GPHN: variants seen among roughly 807,000 people sequenced by gnomAD.
GPHN encodes the protein gephyrin.
A neutral mutation model predicts 95.5 loss-of-function variants in GPHN; 17 were observed. The ratio of observed to expected loss-of-function variants is 0.18; its 90% CI spans 0.12 to 0.27. The LOEUF (loss-of-function observed/expected upper bound fraction) is 0.27. Ranked by LOEUF, GPHN falls within the 10% of genes least tolerant of loss-of-function variation. GPHN has a pLI of 1.00. For synonymous variants in GPHN, 320 were observed against 322.5 expected (o/e 0.99, Z 0.08); for missense variants, 660 against 978.1 (o/e 0.67, Z 4.34).
chr14:66,881,288 T>G (rs370683603), intron 5 of GPHN, among the ~76,000 whole-genome samples: 367 of 152,042 alleles, frequency 2.4e-3, no homozygotes, highest in Non-Finnish European at 3.0e-3. Flanking sequence ...TTTAAGGAAC[T>G]CCAGTTGATT....
chr14:67,370,892 T>C, the GPHN span, among the ~76,000 whole-genome samples: 1 of 151,834 alleles, frequency 6.6e-6, no homozygotes, highest in African/African-American at 2.4e-5. Context: ...AGGCATGGTG[T>C]TGTGCACCTC....
intron 11 of GPHN, among the ~76,000 whole-genome samples, chr14:67,068,033 C>T (rs543367892): frequency 1.3e-5 from 2 of 152,300 alleles, no homozygotes; most frequent in Non-Finnish European, 2.9e-5. Context: ...CTGTCTTCTG[C>T]GTCGGTCATG....
chr14:67,512,927 T>C, the GPHN span, among the ~76,000 whole-genome samples: 3 of 152,214 alleles, frequency 2.0e-5, no homozygotes, highest in Admixed American at 1.3e-4. Context: ...TCACAAAAGC[T>C]GTAATTTGGT....
At chr14:67,572,292 G>A in the GPHN span, 76 of 1,578,552 alleles carry the variant, frequency 4.8e-5, no homozygotes, top group Middle Eastern at 1.7e-4. Context: ...GCCGGGAAAC[G>A]GGCGGGGGCA....
the GPHN span, among the ~76,000 whole-genome samples, chr14:67,655,967 C>T: frequency 1.3e-5 from 2 of 152,120 alleles, no homozygotes; most frequent in African/African-American, 2.4e-5. Flanking sequence ...GCAAAGCGGC[C>T]GGGCACAGTG....
chr14:66,704,365 C>T (rs970312641), intron 2 of GPHN, among the ~76,000 whole-genome samples: 27 of 152,078 alleles, frequency 1.8e-4, no homozygotes, highest in African/African-American at 6.5e-4. Flanking sequence ...AATATACGTT[C>T]ATCTCGGTGC....
At chr14:67,536,425 A>G in the GPHN span, among the ~76,000 whole-genome samples, 1 of 151,820 alleles carries the variant, frequency 6.6e-6, no homozygotes. Context: ...TAGCAAGTGG[A>G]AGTCATACAG....
At chr14:67,586,996 A>G in the GPHN span, 3 of 1,522,650 alleles carry the variant, frequency 2.0e-6, no homozygotes, top group East Asian at 2.5e-5. Context: ...GGAACTCAGC[A>G]TAAGAGCTAA....
At chr14:67,048,795 G>A (rs948930188) in intron 10 of GPHN, among the ~76,000 whole-genome samples, 1 of 152,182 alleles carries the variant, frequency 6.6e-6, no homozygotes, top group African/African-American at 2.4e-5. Context: ...GATCTTCTCA[G>A]TGGGACATGT....
At chr14:66,866,920 T>C (rs1288408980) in intron 4 of GPHN, among the ~76,000 whole-genome samples, 4 of 152,172 alleles carry the variant, frequency 2.6e-5, no homozygotes, top group African/African-American at 7.2e-5. Flanking sequence ...CTGCAAAGTA[T>C]ATGTTCATTG....
At chr14:66,508,766 C>T (rs2057898540) in intron 1 of GPHN, among the ~76,000 whole-genome samples, 175 bp downstream of exon 1, 2 of 152,152 alleles carry the variant, frequency 1.3e-5, no homozygotes, top group African/African-American at 2.4e-5. Context: ...GGTGTTCCCG[C>T]GGGTCCCCTC....
chr14:66,573,445 A>G (rs1947925797), intron 1 of GPHN, among the ~76,000 whole-genome samples: 1 of 150,200 alleles, frequency 6.7e-6, no homozygotes, highest in Non-Finnish European at 1.5e-5. Flanking sequence ...TAATTATATA[A>G]TAACCTTTTT....
At chr14:67,172,679 G>A (rs977450933) in intron 21 of GPHN, among the ~76,000 whole-genome samples, 2 of 152,076 alleles carry the variant, frequency 1.3e-5, no homozygotes, top group African/African-American at 4.8e-5. Flanking sequence ...CCTGAAGCTA[G>A]ACTACCCCCC....
chr14:67,711,932 T>A, the GPHN span, among the ~76,000 whole-genome samples: 1 of 152,178 alleles, frequency 6.6e-6, no homozygotes, highest in Non-Finnish European at 1.5e-5. Context: ...CCTATCTTTT[T>A]TTTTGAGACG....
Position 66,557,282 on chromosome 14 carries a change from T to TAGATAGATAGAA in GPHN, c.64+48694_64+48695insTAGATAGAAAGA, listed in dbSNP as rs1555342980. Among the ~76,000 whole-genome samples the TAGATAGATAGAA allele has an allele frequency of 7.8e-3, 1,151 of 147,140 alleles. 14 individuals are homozygous for TAGATAGATAGAA. The highest frequency in any genetic ancestry group is 0.023 in the African/African-American group (918 of 39,708). ...ATAGATAGATAGATAGATAGATAGA[T>TAGATAGATAGAA]AGAATGAATTTAATGAGCGCTAAGA... On this transcript the variant is annotated intron_variant, in intron 1 of 22. Coordinates refer to ENST00000478722, the MANE Select transcript of GPHN (RefSeq NM_020806.5).
intron 4 of GPHN, among the ~76,000 whole-genome samples, chr14:66,843,059 A>C (rs1229318825): frequency 6.6e-6 from 1 of 151,382 alleles, no homozygotes; most frequent in East Asian, 1.9e-4. Context: ...AGAGCTTGCT[A>C]TTACACTACC....
At chr14:67,396,301 C>T in the GPHN span, among the ~76,000 whole-genome samples, 5 of 151,764 alleles carry the variant, frequency 3.3e-5, no homozygotes, top group South Asian at 2.1e-4. Flanking sequence ...ACGCCCACCA[C>T]CCCGCCTGGC....
the GPHN span, chr14:67,576,299 C>T: frequency 1.5e-6 from 1 of 683,140 alleles, no homozygotes; most frequent in Non-Finnish European, 2.5e-6. The surrounding 1 kb of genome is among the most constrained non-coding windows in gnomAD (Gnocchi z 4.0). Flanking sequence ...AGCTGAACCC[C>T]ACATGGGCTT....
intron 5 of GPHN, among the ~76,000 whole-genome samples, chr14:66,892,243 A>T (rs868143652): frequency 2.6e-5 from 4 of 151,984 alleles, no homozygotes; most frequent in African/African-American, 9.7e-5. Context: ...AGCAAAATAG[A>T]CCCTGTCTCT....
Sources: gnomAD v4.1 joint callset for allele counts (sites outside exome capture counted in the v4.1 genomes callset) on GRCh38, gnomAD v4.1.1 for gene constraint, Gnocchi (gnomAD v3.1) non-coding constraint, MANE v1.5 for transcripts, NCBI Gene and HGNC (gene_info 2026-07-23, HGNC 2026-07-21) for gene names.